STXBP5L: variants seen among roughly 807,000 people sequenced by gnomAD.
STXBP5L encodes the protein syntaxin-binding protein 5-like.
STXBP5L carries 65 observed loss-of-function variants against 144.5 expected under a neutral mutation model. That is an observed-to-expected ratio of 0.45 (90% CI 0.37 to 0.55). STXBP5L has a LOEUF of 0.55. Among genes scored for constraint, STXBP5L ranks in the 20% least tolerant of loss-of-function variants. The pLI, the probability that STXBP5L is intolerant of heterozygous loss-of-function variation, is 0.00. For synonymous variants in STXBP5L, 505 were observed against 469.6 expected, an observed-to-expected ratio of 1.08 and a Z score of -0.97; for missense variants, 1,298 against 1,405.5, an observed-to-expected ratio of 0.92 and a Z score of 1.22.
chr3:121,282,420 G>T, intron 19 of STXBP5L: 2 of 1,352,700 alleles, frequency 1.5e-6, no homozygotes, highest in Non-Finnish European at 2.0e-6. Context: ...TCAGTAATGT[G>T]TTTCTTAAAA....
rs370928122 is a variant in STXBP5L, at chr3:120,990,372, G to T, written c.287+35335G>T. Among the ~76,000 whole-genome samples, 120 of 152,198 alleles carry T rather than the reference G, an allele frequency of 7.9e-4. No homozygotes were observed. In the East Asian group the frequency reaches 0.014, roughly 17 times the overall value. Reference sequence around the variant, plus strand: ...AGGAAGAATCAATATCGTGAAAATGGCCATACTGCCCAAGGTAATTTATAG... The same window carrying T: ...AGGAAGAATCAATATCGTGAAAATGTCCATACTGCCCAAGGTAATTTATAG... On this transcript the variant is annotated intron_variant, in intron 3 of 26. Transcript: ENST00000471454.
At chr3:121,091,004 CACCT>C (rs2042758421) in intron 5 of STXBP5L, among the ~76,000 whole-genome samples, 1 of 148,608 alleles carries the variant, frequency 6.7e-6, no homozygotes. Context: ...GTTCAATTCC[CACCT>C]ATGAGTGAGA....
rs1490575806 is a variant in STXBP5L at position 121,314,626 on chromosome 3, AGAGGGAGAG to A, written c.2111-3848_2111-3840del. Reference sequence around the variant, plus strand: ...GAGAGGGAGAGGGAGAGGGAGAGGGAGAGGGAGAGCGTAAGCGTAAACTAAAGAGCTTCT... The same window carrying A: ...GAGAGGGAGAGGGAGAGGGAGAGGGACGTAAGCGTAAACTAAAGAGCTTCT... On this transcript the variant is annotated intron_variant, in intron 19 of 26. Transcript: ENST00000471454. Among the ~76,000 whole-genome samples the A allele has an allele frequency of 3.4e-5, 5 of 146,852 alleles. No individual in the cohort carries two copies. In the East Asian group the frequency reaches 6.1e-4, roughly 18 times the overall value.
chr3:121,177,774 T>C (rs147367681), intron 9 of STXBP5L, among the ~76,000 whole-genome samples: 1 of 152,326 alleles, frequency 6.6e-6, no homozygotes, highest in Admixed American at 6.5e-5. Context: ...GTTTCACTTC[T>C]GGGCATATGC....
At chr3:121,013,997 A>G (rs866503659) in intron 3 of STXBP5L, among the ~76,000 whole-genome samples, 1 of 151,822 alleles carries the variant, frequency 6.6e-6, no homozygotes, top group Non-Finnish European at 1.5e-5. Flanking sequence ...ATTGGTCTGT[A>G]TGTCTGTTTT....
rs142813530 is a variant in STXBP5L at position 121,061,473 on chromosome 3, A to G, written c.470+15938A>G. On this transcript the variant is annotated intron_variant, in intron 5 of 26. Transcript: ENST00000471454. The stretch of plus-strand genomic sequence containing the variant: ...CTTGATTTGGGGTGGAGAGTTCTGT[A>G]GATGTCTATTAGGTCCACTTGGTTG... Among the ~76,000 whole-genome samples the G allele has an allele frequency of 8.9e-4, 136 of 152,328 alleles. 2 individuals carry two copies. The highest frequency in any genetic ancestry group is 4.6e-3 in the East Asian group (24 of 5,190).
intron 5 of STXBP5L, among the ~76,000 whole-genome samples, chr3:121,095,837 G>T (rs192266801): frequency 6.6e-6 from 1 of 152,294 alleles, no homozygotes; most frequent in African/African-American, 2.4e-5. Context: ...GAGGAACTGT[G>T]TTCCTTTGGA....
At chr3:121,282,056 A>G (rs1049167574) in intron 19 of STXBP5L, among the ~76,000 whole-genome samples, 3 of 151,582 alleles carry the variant, frequency 2.0e-5, no homozygotes, top group Non-Finnish European at 4.4e-5. Context: ...TAAAATTACT[A>G]CCGCATTCTC....
At chr3:121,313,948 C>T (rs1275153928) in intron 19 of STXBP5L, among the ~76,000 whole-genome samples, 1 of 150,378 alleles carries the variant, frequency 6.6e-6, no homozygotes, top group African/African-American at 2.4e-5. Flanking sequence ...GCGCTCCTCA[C>T]ATCCCAGACA....
chr3:121,315,379 G>T (rs375189943), intron 19 of STXBP5L, among the ~76,000 whole-genome samples: 8 of 150,564 alleles, frequency 5.3e-5, no homozygotes, highest in African/African-American at 2.0e-4. Flanking sequence ...GCAAACTATC[G>T]CAAGGACAAA....
intron 20 of STXBP5L, among the ~76,000 whole-genome samples, chr3:121,377,182 A>G (rs1418585029): frequency 6.6e-6 from 1 of 152,144 alleles, no homozygotes; most frequent in East Asian, 1.9e-4. Flanking sequence ...AAGCAGAGAC[A>G]ATTTGGCTTT....
chr3:121,292,536 T>C (rs1273959590), intron 19 of STXBP5L, among the ~76,000 whole-genome samples: 2 of 152,166 alleles, frequency 1.3e-5, no homozygotes, highest in Non-Finnish European at 2.9e-5. Context: ...ATCCCACCAC[T>C]GGGTATCTAC....
chr3:121,056,094 T>C (rs1194922833), intron 5 of STXBP5L, among the ~76,000 whole-genome samples: 3 of 152,166 alleles, frequency 2.0e-5, no homozygotes, highest in Non-Finnish European at 4.4e-5. Context: ...TATGAACCTT[T>C]GCATCTGGTA....
intron 5 of STXBP5L, among the ~76,000 whole-genome samples, chr3:121,108,385 C>CCAGAAT (rs2107804329): frequency 6.6e-6 from 1 of 152,114 alleles, no homozygotes; most frequent in South Asian, 2.1e-4. Flanking sequence ...GAGTTATGTT[C>CCAGAAT]CATCAATACC....
At chr3:121,028,714 C>A (rs1367009538) in intron 3 of STXBP5L, among the ~76,000 whole-genome samples, 5 of 151,906 alleles carry the variant, frequency 3.3e-5, no homozygotes, top group African/African-American at 2.4e-5. Context: ...GAAAACCTAC[C>A]AATAATTTAA....
At chr3:121,359,983 TATATAATATATATATTATTACTATATA>T (rs71133529) in intron 20 of STXBP5L, among the ~76,000 whole-genome samples, 4 of 110,922 alleles carry the variant, frequency 3.6e-5, no homozygotes, top group South Asian at 3.0e-4. Context: ...TAATATAATA[TATATAATATATATATTATTACTATATA>T]ATATAATATA....
At position 121,187,126 on chromosome 3, in the gene STXBP5L, G is replaced by T. The variant is rs1417652518; in HGVS notation, c.878-18797G>T. Among the ~76,000 whole-genome samples the T allele has an allele frequency of 7.9e-5, 12 of 152,096 alleles. No individual in the cohort carries two copies. The South Asian group carries it at 1.9e-3, about 24-fold the overall frequency. On this transcript the variant is annotated intron_variant, in intron 9 of 26. Transcript: ENST00000471454. Reference sequence around the variant, plus strand: ...AGACACATGCACACGTATGTTTATGGTGGCACTATTCACAATAGCAAAGAC... The same window carrying T: ...AGACACATGCACACGTATGTTTATGTTGGCACTATTCACAATAGCAAAGAC...
chr3:121,303,070 A>G lies in STXBP5L; in HGVS notation c.2111-15405A>G, dbSNP rs1233692654. ...CTAAAGAGCTTCTGCACAGCAAAAG[A>G]AACTACCATCAGAGTGAACAGGCAA... On this transcript the variant is annotated intron_variant, in intron 19 of 26. Coordinates refer to ENST00000471454, the MANE Select transcript of STXBP5L (RefSeq NM_001308330.2). 2.0e-5 allele frequency among the ~76,000 whole-genome samples: 3 copies of G among 152,326 alleles called. No individual in the cohort carries two copies. In the East Asian group the frequency reaches 5.8e-4, roughly 29 times the overall value.
At chr3:120,951,393 G>A (rs1249689554) in intron 2 of STXBP5L, among the ~76,000 whole-genome samples, 10 of 152,026 alleles carry the variant, frequency 6.6e-5, no homozygotes, top group East Asian at 5.8e-4. Context: ...GAAAATTTTC[G>A]CAACCTACTC....
Sources: gnomAD v4.1 joint callset for allele counts (sites outside exome capture counted in the v4.1 genomes callset) on GRCh38, gnomAD v4.1.1 for gene constraint, MANE v1.5 for transcripts, NCBI Gene and HGNC (gene_info 2026-07-23, HGNC 2026-07-21) for gene names.